NELL2: variants seen among roughly 807,000 people sequenced by gnomAD.
NELL2 encodes protein kinase C-binding protein NELL2.
NELL2 carries 41 observed loss-of-function variants against 109.6 expected under a neutral mutation model. The observed-to-expected ratio is 0.37, with a 90% CI of 0.29 to 0.49. The LOEUF is 0.49. NELL2 is among the 20% of genes least tolerant of loss of function. The probability of loss-of-function intolerance (pLI) is 0.98; values close to 1 mark genes in which losing one functional copy is unlikely to be tolerated. For synonymous variants in NELL2, 355 were observed against 344.7 expected (o/e 1.03, Z -0.33); for missense variants, 900 against 1,008.3 (o/e 0.89, Z 1.45).
chr12:44,596,611 A>AT (rs1944975403), intron 15 of NELL2, among the ~76,000 whole-genome samples: 1 of 151,892 alleles, frequency 6.6e-6, no homozygotes, highest in Non-Finnish European at 1.5e-5. Flanking sequence ...AACTACTATT[A>AT]TTTTTTGGAG....
chr12:44,638,605 G>C (rs758684739), intron 13 of NELL2, among the ~76,000 whole-genome samples: 74 of 152,180 alleles, frequency 4.9e-4, no homozygotes, highest in African/African-American at 1.4e-3. Flanking sequence ...ATAGCTATGG[G>C]ATGCTTTGCA....
intron 2 of NELL2, among the ~76,000 whole-genome samples, chr12:44,839,563 G>C: frequency 6.6e-6 from 1 of 152,030 alleles, no homozygotes; most frequent in East Asian, 1.9e-4. Flanking sequence ...TTCCAAAAAG[G>C]GCTCTCAGTT....
At chr12:44,552,046 T>C (rs867922709) in intron 15 of NELL2, among the ~76,000 whole-genome samples, 2 of 152,110 alleles carry the variant, frequency 1.3e-5, no homozygotes, top group Non-Finnish European at 1.5e-5. Context: ...GCTGCTAAGC[T>C]TGGGGAGTTT....
intron 2 of NELL2, among the ~76,000 whole-genome samples, chr12:44,846,234 T>C (rs1456740664): frequency 1.3e-5 from 2 of 152,216 alleles, no homozygotes; most frequent in Non-Finnish European, 2.9e-5. Context: ...TAGAGATTAT[T>C]GACGCCCAAA....
At chr12:44,848,549 C>T (rs1044854036) in intron 2 of NELL2, among the ~76,000 whole-genome samples, 1 of 152,130 alleles carries the variant, frequency 6.6e-6, no homozygotes, top group Admixed American at 6.5e-5. Flanking sequence ...CTTCCCCACC[C>T]CCATCCCACC....
intron 2 of NELL2, among the ~76,000 whole-genome samples, chr12:44,865,453 C>A (rs1944966008): frequency 1.0e-5 from 1 of 97,710 alleles, no homozygotes; most frequent in Non-Finnish European, 2.1e-5. Flanking sequence ...GAAAATGTGG[C>A]ACATATACAC....
chr12:44,833,226 A>T (rs2136728052), intron 2 of NELL2, among the ~76,000 whole-genome samples: 2 of 152,340 alleles, frequency 1.3e-5, no homozygotes, highest in East Asian at 3.9e-4. Context: ...GGTCTATAGA[A>T]AATTTCTTCA....
At chr12:44,819,089 G>T (rs1943456463) in intron 2 of NELL2, among the ~76,000 whole-genome samples, 2 of 152,148 alleles carry the variant, frequency 1.3e-5, no homozygotes, top group South Asian at 4.1e-4. Context: ...GAAATGACAA[G>T]TAAAGATTGG....
At chr12:44,745,787 GA>G (rs1201920927) in intron 9 of NELL2, among the ~76,000 whole-genome samples, 1 of 152,148 alleles carries the variant, frequency 6.6e-6, no homozygotes, top group African/African-American at 2.4e-5. Flanking sequence ...ACTGCTCAAT[GA>G]AATAAAAGAG....
chr12:44,812,176 G>A (rs972900273), intron 3 of NELL2, among the ~76,000 whole-genome samples: 7 of 152,142 alleles, frequency 4.6e-5, no homozygotes, highest in African/African-American at 1.2e-4. Context: ...CTACTTACCA[G>A]GCCTTCATAT....
chr12:44,831,062 C>T (rs1943872313), intron 2 of NELL2, among the ~76,000 whole-genome samples: 1 of 152,106 alleles, frequency 6.6e-6, no homozygotes, highest in Admixed American at 6.6e-5. Context: ...CAACCCACCA[C>T]CAGCCCCATC....
At chr12:44,620,086 T>C (rs1945993963) in intron 13 of NELL2, among the ~76,000 whole-genome samples, 3 of 151,748 alleles carry the variant, frequency 2.0e-5, no homozygotes, top group South Asian at 2.1e-4. Context: ...CCTCTTACCT[T>C]TAGGTATTTT....
intron 18 of NELL2, among the ~76,000 whole-genome samples, chr12:44,521,478 C>T (rs1941531352): frequency 6.8e-6 from 1 of 147,746 alleles, no homozygotes; most frequent in Admixed American, 6.7e-5. Flanking sequence ...TGCAGTGAGC[C>T]GAGATGGTGC....
intron 10 of NELL2, 47 bp downstream of exon 10, chr12:44,714,603 T>C (rs1244448569): frequency 1.6e-6 from 2 of 1,230,168 alleles, no homozygotes; most frequent in Non-Finnish European, 2.3e-6. Context: ...TTTTATCTTG[T>C]TTATAAATAG....
At chr12:44,752,936 G>T (rs1297114787) in intron 9 of NELL2, among the ~76,000 whole-genome samples, 1 of 152,084 alleles carries the variant, frequency 6.6e-6, no homozygotes, top group Non-Finnish European at 1.5e-5. Context: ...TAAGATTTCA[G>T]GTCCCCAGAA....
intron 9 of NELL2, 77 bp downstream of exon 9, chr12:44,774,670 C>A: frequency 8.4e-7 from 1 of 1,191,004 alleles, no homozygotes; most frequent in Non-Finnish European, 1.2e-6. Context: ...CCAGATTAAA[C>A]CAATGATGGG....
chr12:44,658,091 C>A (rs1293906604), intron 13 of NELL2, among the ~76,000 whole-genome samples: 1 of 152,192 alleles, frequency 6.6e-6, no homozygotes, highest in Non-Finnish European at 1.5e-5. Context: ...TTTACACTCC[C>A]ATCAACAGTG....
intron 15 of NELL2, among the ~76,000 whole-genome samples, chr12:44,557,708 C>A (rs1387110409): frequency 6.6e-6 from 1 of 151,994 alleles, no homozygotes; most frequent in African/African-American, 2.4e-5. Context: ...GATTGAGAAC[C>A]AAGTGCAAAT....
intron 19 of NELL2, among the ~76,000 whole-genome samples, chr12:44,509,298 C>T (rs1401190783): frequency 6.6e-6 from 1 of 152,144 alleles, no homozygotes; most frequent in African/African-American, 2.4e-5. Context: ...ATAAAGCAGA[C>T]ATGGTCACTA....
Sources: allele counts gnomAD v4.1 joint callset (sites outside exome capture counted in the v4.1 genomes callset), GRCh38; gene constraint gnomAD v4.1.1; transcripts MANE v1.5; gene names NCBI Gene and HGNC (gene_info 2026-07-23, HGNC 2026-07-21).